Variants in ZNF710 observed in about 807,000 individuals in gnomAD.
ZNF710 encodes zinc finger protein 710.
In ZNF710, 13 loss-of-function variants were observed where a neutral mutation model predicts 50.6. The ratio of observed to expected loss-of-function variants is 0.26; its 90% CI spans 0.17 to 0.41. ZNF710 has a LOEUF of 0.41. Among genes scored for constraint, ZNF710 ranks in the 10% least tolerant of loss-of-function variants. The probability of loss-of-function intolerance (pLI) is 1.00; values close to 1 mark genes in which losing one functional copy is unlikely to be tolerated. For synonymous variants in ZNF710, 383 were observed against 397.0 expected (o/e 0.96, Z 0.42); for missense variants, 721 against 936.6 (o/e 0.77, Z 3.01).
rs1217477140 is a variant in ZNF710, at chr15:90,002,964, C to G, written c.-29+1350C>G. ...TCTCGGCTCACTGCAGCCTCCGTCT[C>G]CCGGGTTCAAGCGATTCTCCTGCCT... On this transcript the variant is annotated intron_variant, in intron 1 of 4. Coordinates refer to ENST00000268154, the MANE Select transcript of ZNF710 (RefSeq NM_198526.4). Among the ~76,000 whole-genome samples, 3 of 152,176 alleles carry G rather than the reference C, an allele frequency of 2.0e-5. No individual in the cohort carries two copies. The East Asian group carries it at 5.8e-4, about 29-fold the overall frequency.
chr15:90,039,898 C>T (rs898723036), intron 1 of ZNF710, among the ~76,000 whole-genome samples: 11 of 152,330 alleles, frequency 7.2e-5, no homozygotes, highest in African/African-American at 2.4e-4. Flanking sequence ...GTCCCCTCTT[C>T]GAGTCACCCA....
At chr15:90,024,274 C>T (rs1898707052) in intron 1 of ZNF710, among the ~76,000 whole-genome samples, 1 of 152,166 alleles carries the variant, frequency 6.6e-6, no homozygotes, top group Admixed American at 6.5e-5. Flanking sequence ...TTAACACATT[C>T]CCCCCAGAAA....
At chr15:90,029,189 C>G (rs1898861585) in intron 1 of ZNF710, among the ~76,000 whole-genome samples, 1 of 152,130 alleles carries the variant, frequency 6.6e-6, no homozygotes, top group African/African-American at 2.4e-5. Context: ...GAATGAGTGC[C>G]CACTGGGAAA....
rs771005330 is a variant in ZNF710 at position 90,067,376 on chromosome 15, CGGA to C, written c.248_250del (p.Glu83del). ...AACGGGAGGGCCTTGGAGGAGCCGG[CGGA>C]GGAGGAGGTGCTGGAGGTGGAGGCA... On this transcript the variant is annotated inframe_deletion, in exon 2 of 5. Transcript: ENST00000268154. This position sits in a 1 kb window ranked among gnomAD's most constrained non-coding sequence, Gnocchi z 8.1. 5 of 1,596,206 alleles carry C rather than the reference CGGA, an allele frequency of 3.1e-6. No individual in the cohort carries two copies. In the Admixed American group the frequency reaches 7.0e-5, roughly 22 times the overall value.
At chr15:90,001,917 A>C (rs1898021831) in intron 1 of ZNF710, among the ~76,000 whole-genome samples, 1 of 108,506 alleles carries the variant, frequency 9.2e-6, no homozygotes, top group Non-Finnish European at 1.9e-5. Context: ...GGGGGAAGGG[A>C]GAGGGAGGGA....
chr15:90,040,179 C>T lies in ZNF710; in HGVS notation c.-28-26931C>T, dbSNP rs1899255700. On this transcript the variant is annotated intron_variant, in intron 1 of 4. Transcript: ENST00000268154. The surrounding 1 kb of genome is among the most constrained non-coding windows in gnomAD (Gnocchi z 4.6). ...TGGGCTGTGGCTGGGTGAGGTCACC[C>T]AGGCCTCAGGCCTGTGCACTGTGGC... Among the ~76,000 whole-genome samples the T allele has an allele frequency of 6.6e-6, 1 of 152,206 alleles. No homozygotes were observed. The highest frequency in any genetic ancestry group is 1.5e-5 in the Non-Finnish European group (1 of 68,028).
At chr15:90,053,456 C>T (rs1409156530) in intron 1 of ZNF710, among the ~76,000 whole-genome samples, 1 of 152,012 alleles carries the variant, frequency 6.6e-6, no homozygotes, top group Non-Finnish European at 1.5e-5. Context: ...TCAAGCCATC[C>T]TCCCACTCAG....
At chr15:90,025,422 C>G (rs999112208) in intron 1 of ZNF710, 2 of 152,136 alleles carry the variant, frequency 1.3e-5, no homozygotes, top group Admixed American at 6.6e-5. Context: ...TGTAGACAAT[C>G]TGATAAACAC....
At chr15:90,042,996 C>G (rs745891848) in intron 1 of ZNF710, among the ~76,000 whole-genome samples, 4 of 152,374 alleles carry the variant, frequency 2.6e-5, no homozygotes, top group African/African-American at 9.6e-5. Context: ...CCAACCCACC[C>G]GCTTACCCTC....
At chr15:90,035,616 G>A (rs147736128) in intron 1 of ZNF710, among the ~76,000 whole-genome samples, 10 of 152,198 alleles carry the variant, frequency 6.6e-5, no homozygotes, top group Non-Finnish European at 1.0e-4. Context: ...GAGTTAGGCC[G>A]GGCTCTCTAG....
At chr15:90,042,629 C>T (rs540198350) in intron 1 of ZNF710, among the ~76,000 whole-genome samples, 31 of 152,252 alleles carry the variant, frequency 2.0e-4, no homozygotes, top group Non-Finnish European at 3.4e-4. Flanking sequence ...TTTCAGGTTT[C>T]GTCATGACTC....
intron 1 of ZNF710, among the ~76,000 whole-genome samples, chr15:90,037,503 A>G (rs909058106): frequency 6.6e-6 from 1 of 152,214 alleles, no homozygotes; most frequent in Non-Finnish European, 1.5e-5. Flanking sequence ...GTCAGCTGGA[A>G]GGGACCTAGT....
At chr15:90,072,271 G>A (rs550433986) in intron 2 of ZNF710, among the ~76,000 whole-genome samples, 1 of 152,300 alleles carries the variant, frequency 6.6e-6, no homozygotes, top group Admixed American at 6.5e-5. Flanking sequence ...GGGGTGAATA[G>A]CCCAAAGTCC....
At chr15:90,000,336 T>C (rs1329432763), upstream of ZNF710, among the ~76,000 whole-genome samples, 1 of 151,388 alleles carries the variant, frequency 6.6e-6, no homozygotes, top group African/African-American at 2.4e-5. Flanking sequence ...GTTCTGGAGG[T>C]TGGAGGCCTG....
chr15:90,006,555 T>TTA (rs1199573971), intron 1 of ZNF710, among the ~76,000 whole-genome samples: 2 of 152,194 alleles, frequency 1.3e-5, no homozygotes, highest in African/African-American at 4.8e-5. Flanking sequence ...ATTACAGTGG[T>TTA]TATAAATGCT....
intron 1 of ZNF710, among the ~76,000 whole-genome samples, chr15:90,012,212 A>C (rs1368017611): frequency 6.6e-6 from 1 of 151,786 alleles, no homozygotes; most frequent in African/African-American, 2.4e-5. Flanking sequence ...TCAAAAGAAA[A>C]AAAAAAAGAA....
At chr15:90,064,844 T>A (rs1342702874) in intron 1 of ZNF710, among the ~76,000 whole-genome samples, 1 of 152,194 alleles carries the variant, frequency 6.6e-6, no homozygotes, top group African/African-American at 2.4e-5. Flanking sequence ...CTGCTTCACC[T>A]GTGTTAGGAC....
chr15:90,039,109 T>C (rs1899222736), intron 1 of ZNF710, among the ~76,000 whole-genome samples: 1 of 152,004 alleles, frequency 6.6e-6, no homozygotes, highest in African/African-American at 2.4e-5. Flanking sequence ...TGAAACCCCA[T>C]CTCTACTAAA....
At chr15:90,072,228 C>T (rs1262440430) in intron 2 of ZNF710, among the ~76,000 whole-genome samples, 2 of 152,182 alleles carry the variant, frequency 1.3e-5, no homozygotes, top group African/African-American at 4.8e-5. Context: ...CAGTCCAAAC[C>T]AGTGGGTTTT....
Sources: gnomAD v4.1 joint callset for allele counts (sites outside exome capture counted in the v4.1 genomes callset) on GRCh38, gnomAD v4.1.1 for gene constraint, Gnocchi (gnomAD v3.1) non-coding constraint, MANE v1.5 for transcripts, NCBI Gene and HGNC (gene_info 2026-07-23, HGNC 2026-07-21) for gene names.